MRTFA: variants seen among roughly 807,000 people sequenced by gnomAD.
MRTFA encodes myocardin-related transcription factor A.
In MRTFA, 20 loss-of-function variants were observed where a neutral mutation model predicts 83.5. The ratio of observed to expected loss-of-function variants is 0.24; its 90% CI spans 0.17 to 0.35. MRTFA has a LOEUF of 0.35. Ranked by LOEUF, MRTFA falls within the 10% of genes least tolerant of loss-of-function variation. The pLI is 1.00. For missense variants in MRTFA, 1,200 were observed against 1,224.7 expected (o/e 0.98, Z 0.30); for synonymous variants, 659 against 541.2 (o/e 1.22, Z -3.02).
At chr22:40,443,919 C>T (rs2053328648) in intron 4 of MRTFA, among the ~76,000 whole-genome samples, 2 of 152,220 alleles carry the variant, frequency 1.3e-5, no homozygotes. Flanking sequence ...ACTTTCGCCA[C>T]TGCCCAGTGG....
intron 8 of MRTFA, 105 bp from the exon 9 acceptor site, chr22:40,423,790 G>A: frequency 9.2e-7 from 1 of 1,091,662 alleles, no homozygotes; most frequent in Non-Finnish European, 1.3e-6. Context: ...TTGTCAGAGG[G>A]CAAATGGTGG....
At chr22:40,459,901 T>C (rs1323118827) in intron 4 of MRTFA, among the ~76,000 whole-genome samples, 1 of 143,602 alleles carries the variant, frequency 7.0e-6, no homozygotes, top group Non-Finnish European at 1.5e-5. Flanking sequence ...GATCATAGTC[T>C]AGCAGGAGAT....
intron 7 of MRTFA, 40 bp from the exon 8 acceptor site, chr22:40,424,421 AG>A (rs1309729854): frequency 6.2e-7 from 1 of 1,603,046 alleles, no homozygotes; most frequent in South Asian, 1.1e-5. Flanking sequence ...CTTCCAGCCC[AG>A]GGAACAGATG....
chr22:40,570,577 CAAA>C (rs894548892), intron 2 of MRTFA, among the ~76,000 whole-genome samples: 10 of 23,150 alleles, frequency 4.3e-4, no homozygotes, highest in African/African-American at 1.8e-3. Flanking sequence ...GACTCTGTCT[CAAA>C]AAAAAAAAAA....
intron 3 of MRTFA, among the ~76,000 whole-genome samples, chr22:40,517,945 A>C (rs2054788943): frequency 6.6e-6 from 1 of 152,126 alleles, no homozygotes; most frequent in African/African-American, 2.4e-5. Flanking sequence ...TCATGCCTAC[A>C]TGATGAAGAC....
At chr22:40,613,299 C>T (rs188358660) in intron 1 of MRTFA, among the ~76,000 whole-genome samples, 15 of 152,280 alleles carry the variant, frequency 9.9e-5, no homozygotes, top group Admixed American at 4.6e-4. Flanking sequence ...CTGCTATGAA[C>T]ATTCACATGG....
chr22:40,565,748 T>C (rs1311174194), intron 2 of MRTFA, among the ~76,000 whole-genome samples: 2 of 152,156 alleles, frequency 1.3e-5, no homozygotes, highest in Non-Finnish European at 2.9e-5. Context: ...TGGATAACTA[T>C]AAGCATTATG....
Position 40,411,474 on chromosome 22 carries a change from G to T in MRTFA, c.3012C>A (p.Pro1004=), listed in dbSNP as rs367756208. 13 of 1,605,782 alleles carry T rather than the reference G, an allele frequency of 8.1e-6. No individual in the cohort carries two copies. In the East Asian group the frequency reaches 1.8e-4, roughly 22 times the overall value. Residue 1004 remains proline, a synonymous_variant, in exon 15 of 15, where the codon CCC becomes CCA. Coordinates refer to ENST00000355630, the MANE Select transcript of MRTFA (RefSeq NM_020831.6). ...AGAGGCTGGGGGCTGTGGTGCTGAG[G>T]GGGGCTAGGCTCAGCACGGGACCAC...
At chr22:40,502,667 C>T (rs2054513476) in intron 3 of MRTFA, among the ~76,000 whole-genome samples, 1 of 150,648 alleles carries the variant, frequency 6.6e-6, no homozygotes, top group Non-Finnish European at 1.5e-5. Flanking sequence ...CGGGCAGAGG[C>T]TGCAATCTCG....
intron 10 of MRTFA, 45 bp from the exon 11 acceptor site, chr22:40,420,621 G>A (rs369225910): frequency 5.0e-6 from 8 of 1,597,336 alleles, no homozygotes; most frequent in Admixed American, 3.4e-5. Context: ...CTTCGCCCGT[G>A]GCCTCTGCAG....
At chr22:40,487,496 T>C (rs1299820102) in intron 3 of MRTFA, among the ~76,000 whole-genome samples, 2 of 152,026 alleles carry the variant, frequency 1.3e-5, no homozygotes, top group Non-Finnish European at 2.9e-5. Flanking sequence ...ACCAAGAACT[T>C]TGGGTTCTTG....
At chr22:40,426,800 T>A (rs1299730064) in intron 7 of MRTFA, among the ~76,000 whole-genome samples, 1 of 152,190 alleles carries the variant, frequency 6.6e-6, no homozygotes, top group Admixed American at 6.5e-5. Context: ...ACACTGTCCA[T>A]TACAGCAGCT....
At chr22:40,476,097 T>C (rs942353354) in intron 3 of MRTFA, among the ~76,000 whole-genome samples, 6 of 142,738 alleles carry the variant, frequency 4.2e-5, no homozygotes, top group Non-Finnish European at 6.0e-5. Context: ...TGAGCTGAGA[T>C]CGCGCCACTG....
intron 3 of MRTFA, chr22:40,522,213 TA>T (rs1389595993): frequency 6.6e-6 from 1 of 152,168 alleles, no homozygotes; most frequent in Non-Finnish European, 1.5e-5. Context: ...AGTTTTTATT[TA>T]AACCAGAGTT....
At position 40,536,937 on chromosome 22, in the gene MRTFA, T is replaced by G. The variant is rs1318521449; in HGVS notation, c.241+15169A>C. On this transcript the variant is annotated intron_variant, in intron 3 of 14. Transcript: ENST00000355630. ...CGCCCCGTCTGAGAAGTGAGGAGCC[T>G]CTCCACCCGGCAGCCACCCCATCTG... Among the ~76,000 whole-genome samples, 13 of 71,510 alleles carry G rather than the reference T, an allele frequency of 1.8e-4. No homozygotes were observed. In the East Asian group the frequency reaches 7.7e-3, roughly 42 times the overall value. The allele number at this position is 71,510 out of a possible 152,430, so 46.9% of individuals were successfully genotyped here.
intron 1 of MRTFA, among the ~76,000 whole-genome samples, chr22:40,597,038 G>C (rs2056201594): frequency 6.6e-6 from 1 of 151,308 alleles, no homozygotes; most frequent in Non-Finnish European, 1.5e-5. Flanking sequence ...TGCTCTCATA[G>C]CATCTATTTC....
chr22:40,411,496 C>A lies in MRTFA; in HGVS notation c.2990G>T (p.Gly997Val). Residue 997 changes from glycine to valine, a missense_variant, in exon 15 of 15, where the codon GGT becomes GTT. Physicochemically the swap from Gly to Val is moderately radical, Grantham distance 109. Coordinates refer to ENST00000355630, the MANE Select transcript of MRTFA (RefSeq NM_020831.6). ...GAGGGGGGCTAGGCTCAGCACGGGACCACCTGACGACAGCTCCAGCCAGTC... is the reference window on the plus strand; with the variant it reads ...GAGGGGGGCTAGGCTCAGCACGGGAACACCTGACGACAGCTCCAGCCAGTC... The A allele has an allele frequency of 1.2e-6, 2 of 1,610,872 alleles. No individual in the cohort carries two copies. Among genetic ancestry groups the A allele is most frequent in the Non-Finnish European group, 1.7e-6 (2 of 1,177,628 alleles).
At chr22:40,556,714 T>C (rs768034325) in intron 2 of MRTFA, among the ~76,000 whole-genome samples, 14 of 152,238 alleles carry the variant, frequency 9.2e-5, no homozygotes, top group Non-Finnish European at 1.8e-4. Flanking sequence ...CTATGATTTA[T>C]TATGGTTTGA....
At chr22:40,566,276 A>G (rs2055701801) in intron 2 of MRTFA, among the ~76,000 whole-genome samples, 1 of 149,760 alleles carries the variant, frequency 6.7e-6, no homozygotes, top group East Asian at 2.0e-4. Context: ...GCTGGAGTGC[A>G]GTGGCGTGAT....
Sources: allele counts gnomAD v4.1 joint callset (sites outside exome capture counted in the v4.1 genomes callset), GRCh38; gene constraint gnomAD v4.1.1; transcripts MANE v1.5; gene names NCBI Gene and HGNC (gene_info 2026-07-23, HGNC 2026-07-21).